The following PRKAR1A variants were observed in gnomAD, a reference collection of about 807,000 sequenced individuals.
PRKAR1A encodes the protein protein kinase cAMP-dependent type I regulatory subunit alpha.
PRKAR1A carries 3 observed loss-of-function variants against 52.0 expected under a neutral mutation model. That is an observed-to-expected ratio of 0.06 (90% CI 0.03 to 0.15). The LOEUF (loss-of-function observed/expected upper bound fraction) is 0.15. Among genes scored for constraint, PRKAR1A ranks in the 10% least tolerant of loss-of-function variants. The pLI is 1.00. For missense variants in PRKAR1A, 240 were observed against 477.4 expected (o/e 0.50, Z 4.63); for synonymous variants, 188 against 168.4 (o/e 1.12, Z -0.90).
chr17:68,451,969 TGGTG>T, the PRKAR1A span, among the ~76,000 whole-genome samples: 1 of 152,098 alleles, frequency 6.6e-6, no homozygotes, highest in Admixed American at 6.6e-5. Context: ...TTCACAAAAA[TGGTG>T]TAATAACAAT....
the PRKAR1A span, among the ~76,000 whole-genome samples, chr17:68,506,371 A>G: frequency 6.6e-6 from 1 of 151,898 alleles, no homozygotes; most frequent in African/African-American, 2.4e-5. Context: ...TTTTCTGATC[A>G]CTGATGCCTG....
the PRKAR1A span, among the ~76,000 whole-genome samples, chr17:68,429,400 G>A: frequency 2.0e-5 from 3 of 152,222 alleles, no homozygotes; most frequent in East Asian, 1.9e-4. Flanking sequence ...ATAGGAGTCC[G>A]AACCTAGAAA....
In PRKAR1A at chr17:68,531,382, C is replaced by T; in HGVS notation, c.*933C>T. On this transcript the variant is annotated 3_prime_UTR_variant, in exon 11 of 11. Transcript: ENST00000589228. ...ATCTCCTCTGCTCATTAAACTGATTCCAGGAGATTGGATTTGCTGTGACTA... is the reference window on the plus strand; with the variant it reads ...ATCTCCTCTGCTCATTAAACTGATTTCAGGAGATTGGATTTGCTGTGACTA... 4.7e-6 allele frequency: 5 copies of T among 1,065,690 alleles called. No individual in the cohort carries two copies. Among genetic ancestry groups the T allele is most frequent in the Non-Finnish European group, 5.7e-6 (5 of 879,448 alleles). 66.0% of individuals were successfully genotyped at this position (1,065,690 alleles called of 1,614,324 possible).
chr17:68,532,486 C>T lies in PRKAR1A; in HGVS notation c.*2037C>T. The T allele has an allele frequency of 9.4e-7, 1 of 1,060,952 alleles. No homozygotes were observed. The highest frequency in any genetic ancestry group is 1.1e-6 in the Non-Finnish European group (1 of 875,064). 65.7% of individuals were successfully genotyped at this position (1,060,952 alleles called of 1,614,324 possible). On this transcript the variant is annotated 3_prime_UTR_variant, in exon 11 of 11. Transcript: ENST00000589228. ...AGTCTACATTAAACAATGATCACAT[C>T]TAAAGCTTTATCTTTGTGTAATCTA...
chr17:68,467,171 A>C, the PRKAR1A span, among the ~76,000 whole-genome samples: 1 of 152,178 alleles, frequency 6.6e-6, no homozygotes, highest in Non-Finnish European at 1.5e-5. Flanking sequence ...GCTGAGGGAC[A>C]TTTGGGTTGT....
chr17:68,429,282 T>C, the PRKAR1A span, among the ~76,000 whole-genome samples: 1 of 152,032 alleles, frequency 6.6e-6, no homozygotes, highest in Non-Finnish European at 1.5e-5. Context: ...AGAAAGGGGG[T>C]AAATGGAGGA....
At chr17:68,430,245 C>T in the PRKAR1A span, 1 of 1,366,134 alleles carries the variant, frequency 7.3e-7, no homozygotes, top group East Asian at 2.3e-5. Flanking sequence ...GCGTCATTAG[C>T]CACACTCCCC....
At chr17:68,518,292 A>T (rs887201447) in intron 2 of PRKAR1A, among the ~76,000 whole-genome samples, 1 of 152,132 alleles carries the variant, frequency 6.6e-6, no homozygotes, top group Non-Finnish European at 1.5e-5. Context: ...GGGGCTCCAA[A>T]CGACCCCACA....
chr17:68,441,480 T>C, the PRKAR1A span, among the ~76,000 whole-genome samples: 1 of 152,244 alleles, frequency 6.6e-6, no homozygotes, highest in African/African-American at 2.4e-5. Flanking sequence ...AGTTTCCATC[T>C]TATTTCTTTG....
At position 68,532,836 on chromosome 17, in the gene PRKAR1A, C is replaced by T. The variant is rs951267283; in HGVS notation, c.*2387C>T. 60 of 1,066,240 alleles carry T rather than the reference C, an allele frequency of 5.6e-5. No individual in the cohort carries two copies. The highest frequency in any genetic ancestry group is 6.6e-5 in the Non-Finnish European group (58 of 879,774). The allele number at this position is 1,066,240 out of a possible 1,614,324, so 66.0% of individuals were successfully genotyped here. On this transcript the variant is annotated 3_prime_UTR_variant, in exon 11 of 11. Transcript: ENST00000589228. ...CTCTCTGTCCTTCCCCGAAAGTCTACTCGGGTGGGCAAAAATGAAAAGGGG... is the reference window on the plus strand; with the variant it reads ...CTCTCTGTCCTTCCCCGAAAGTCTATTCGGGTGGGCAAAAATGAAAAGGGG...
At chr17:68,452,428 G>A in the PRKAR1A span, among the ~76,000 whole-genome samples, 2 of 152,200 alleles carry the variant, frequency 1.3e-5, no homozygotes, top group East Asian at 1.9e-4. Flanking sequence ...AGCTGGGTTT[G>A]GTGGCATGTG....
chr17:68,414,391 G>A, the PRKAR1A span, among the ~76,000 whole-genome samples: 4 of 152,130 alleles, frequency 2.6e-5, no homozygotes, highest in Non-Finnish European at 4.4e-5. Flanking sequence ...CCTTGATTAT[G>A]GTGAATTATC....
chr17:68,524,251 A>G lies in PRKAR1A; in HGVS notation c.502+174A>G, dbSNP rs2143297187. On this transcript the variant is annotated intron_variant, in intron 5 of 10. Coordinates refer to ENST00000589228, the MANE Select transcript of PRKAR1A (RefSeq NM_002734.5). The stretch of plus-strand genomic sequence containing the variant: ...TAAATTAAGATTTTCTGAGATGGAC[A>G]GAACACTTTGTATTGGGAACTAATA... 7.8e-6 allele frequency: 5 copies of G among 640,216 alleles called. No homozygotes were observed. In the South Asian group the frequency reaches 9.9e-5, roughly 13 times the overall value. The allele number at this position is 640,216 out of a possible 1,614,324, so 39.7% of individuals were successfully genotyped here.
chr17:68,538,673 TTA>T (rs1413847583), intron 11 of PRKAR1A, among the ~76,000 whole-genome samples: 1 of 152,208 alleles, frequency 6.6e-6, no homozygotes, highest in Non-Finnish European at 1.5e-5. Context: ...GTAGTAATAT[TTA>T]TGAGCCGATA....
the PRKAR1A span, among the ~76,000 whole-genome samples, chr17:68,459,913 C>T: frequency 2.0e-5 from 3 of 151,726 alleles, no homozygotes; most frequent in Non-Finnish European, 2.9e-5. Context: ...CTCTCCATCC[C>T]GGGTTCAAGC....
chr17:68,550,943 G>A, intron 11 of PRKAR1A: 1 of 599,952 alleles, frequency 1.7e-6, no homozygotes, highest in Non-Finnish European at 2.4e-6. Flanking sequence ...CATCTACTGG[G>A]GCTCTCAATG....
the PRKAR1A span, chr17:68,433,498 T>A: frequency 1.9e-6 from 3 of 1,614,138 alleles, no homozygotes; most frequent in Non-Finnish European, 8.5e-7. Flanking sequence ...CTTGAAGATG[T>A]GTACCGTCTC....
In PRKAR1A at chr17:68,515,549, C is replaced by T. The variant is rs2085406884; in HGVS notation, c.150C>T (p.Leu50=). The stretch of plus-strand genomic sequence containing the variant: ...GACCTGAGAGACCCATGGCATTCCT[C>T]AGGGAATACTTTGAGAGGTTGGAGA... ...TARPERPMAF[L]REYFERLEKE... Residue 50 remains leucine, a synonymous_variant, in exon 2 of 11, where the codon CTC becomes CTT. Coordinates refer to ENST00000589228, the MANE Select transcript of PRKAR1A (RefSeq NM_002734.5). 2 of 1,612,690 alleles carry T rather than the reference C, an allele frequency of 1.2e-6. No individual in the cohort carries two copies. The highest frequency in any genetic ancestry group is 1.1e-5 in the South Asian group (1 of 90,998).
the PRKAR1A span, among the ~76,000 whole-genome samples, chr17:68,499,899 T>C: frequency 6.6e-6 from 1 of 152,196 alleles, no homozygotes; most frequent in Non-Finnish European, 1.5e-5. Flanking sequence ...CTGACCACAG[T>C]CACTCTTTCA....
Sources: allele counts gnomAD v4.1 joint callset (sites outside exome capture counted in the v4.1 genomes callset), GRCh38; gene constraint gnomAD v4.1.1; transcripts MANE v1.5; gene names NCBI Gene and HGNC (gene_info 2026-07-23, HGNC 2026-07-21).